POLN: variants seen among roughly 807,000 people sequenced by gnomAD.
The protein encoded by POLN is DNA polymerase N.
Under a neutral mutation model 113.5 loss-of-function variants are expected in POLN, and 108 were observed. The observed-to-expected ratio is 0.95, with a 90% CI of 0.81 to 1.12. The LOEUF is 1.12. POLN is among the 50% of genes most tolerant of loss of function. The pLI, the probability that POLN is intolerant of heterozygous loss-of-function variation, is 0.00. For missense variants in POLN, 1,097 were observed against 1,077.1 expected, an observed-to-expected ratio of 1.02 and a Z score of -0.26; for synonymous variants, 386 against 391.5, an observed-to-expected ratio of 0.99 and a Z score of 0.17.
intron 19 of POLN, among the ~76,000 whole-genome samples, chr4:2,116,316 T>C (rs535959766): frequency 1.1e-4 from 17 of 152,336 alleles, no homozygotes; most frequent in Non-Finnish European, 1.8e-4. Flanking sequence ...CTATGGAAGA[T>C]TCCTCCTCAT....
intron 16 of POLN, chr4:2,139,628 AATAAAGT>A (rs1731946745): frequency 6.6e-6 from 1 of 152,242 alleles, no homozygotes; most frequent in Non-Finnish European, 1.5e-5. Flanking sequence ...CACTCAAAAT[AATAAAGT>A]ATAAAGATTT....
intron 3 of POLN, among the ~76,000 whole-genome samples, chr4:2,217,863 G>A (rs1734149362): frequency 6.6e-6 from 1 of 152,208 alleles, no homozygotes; most frequent in Non-Finnish European, 1.5e-5. Context: ...TATTCCCAAT[G>A]TGGAATATGC....
At chr4:2,072,450 C>T (rs1472553040) in intron 25 of POLN, 151 bp from the exon 26 acceptor site, 9 of 660,290 alleles carry the variant, frequency 1.4e-5, no homozygotes, top group Non-Finnish European at 2.0e-5. Flanking sequence ...TGTGCATACA[C>T]GTGCACACTC....
At chr4:2,086,363 C>T (rs1275225851) in intron 20 of POLN, among the ~76,000 whole-genome samples, 3 of 152,124 alleles carry the variant, frequency 2.0e-5, no homozygotes, top group South Asian at 2.1e-4. Context: ...GGCTGAGTTC[C>T]GCAAGCATGT....
In POLN at chr4:2,198,646, T is replaced by G; in HGVS notation, c.786A>C (p.Pro262=). 6.2e-7 allele frequency: 1 copy of G among 1,613,900 alleles called. No individual in the cohort carries two copies. The highest frequency in any genetic ancestry group is 8.5e-7 in the Non-Finnish European group (1 of 1,179,938). The change falls in exon 6 of 26, where the codon CCA becomes CCC. Residue 262 remains proline (P), a synonymous_variant. Transcript: ENST00000511885. ...GAACAGGACCACAGGCCGGGGCATC[T>G]GGACAGCCATGGCCACCCTCTGCTT... The part of the protein sequence containing the change: ...KRQAEGGHGC[P]DAPACGPVLE...
At chr4:2,105,807 AT>A (rs1731051770) in intron 19 of POLN, among the ~76,000 whole-genome samples, 1 of 112,668 alleles carries the variant, frequency 8.9e-6, no homozygotes, top group African/African-American at 6.1e-5. Context: ...ACAAATAGTG[AT>A]GATGATGATG....
chr4:2,183,361 G>A (rs1002216271), intron 7 of POLN, among the ~76,000 whole-genome samples: 1 of 152,186 alleles, frequency 6.6e-6, no homozygotes, highest in Non-Finnish European at 1.5e-5. Context: ...AAAGTTCATA[G>A]AAGCATTAAT....
chr4:2,155,587 T>TA (rs1732404545), intron 16 of POLN, among the ~76,000 whole-genome samples: 2 of 152,184 alleles, frequency 1.3e-5, no homozygotes, highest in South Asian at 2.1e-4. Context: ...AGACACATGT[T>TA]ACGGAGGGAA....
At position 2,163,045 on chromosome 4, in the gene POLN, A is replaced by AAAC. The variant is rs1429400272; in HGVS notation, c.1555-3835_1555-3834insGTT. On this transcript the variant is annotated intron_variant, in intron 13 of 25. Coordinates refer to ENST00000511885, the MANE Select transcript of POLN (RefSeq NM_181808.4). ...TTCCTACCAAAAAAAAAAAAAAAAAAAAAAAACTCCTGCCAGGATTTTAAT... is the reference window on the plus strand; with the variant it reads ...TTCCTACCAAAAAAAAAAAAAAAAAAAACAAAAAACTCCTGCCAGGATTTTAAT... Among the ~76,000 whole-genome samples the AAAC allele has an allele frequency of 3.1e-3, 472 of 151,344 alleles. 5 individuals are homozygous for AAAC. Among genetic ancestry groups the AAAC allele is most frequent in the African/African-American group, 0.011 (449 of 41,052 alleles).
intron 6 of POLN, among the ~76,000 whole-genome samples, chr4:2,196,115 GA>G (rs1351088657): frequency 3.9e-5 from 6 of 152,100 alleles, no homozygotes; most frequent in Non-Finnish European, 8.8e-5. Context: ...ATAATTATCT[GA>G]AAAAAATCGA....
Position 2,174,679 on chromosome 4 carries a change from A to C in POLN, c.1309+12T>G. On this transcript the variant is annotated intron_variant, in intron 10 of 25. Coordinates refer to ENST00000511885, the MANE Select transcript of POLN (RefSeq NM_181808.4). ...AGAAAAATGGCTGTACTTCATCTTT[A>C]TGGTAACTTACCTGCCAAAATTGGT... 1 of 1,597,082 alleles carries C rather than the reference A, an allele frequency of 6.3e-7. No homozygotes were observed. The highest frequency in any genetic ancestry group is 1.1e-5 in the South Asian group (1 of 90,662).
In POLN at chr4:2,130,602, C is replaced by T. The variant is rs544153661; in HGVS notation, c.1789+631G>A. ...AAGAGTGTTAGTGTGCTTTTATAAA[C>T]ATTTCCAGTAATGTTCAAACTTTAA... On this transcript the variant is annotated intron_variant, in intron 17 of 25. Transcript: ENST00000511885. Among the ~76,000 whole-genome samples, 649 of 152,268 alleles carry T rather than the reference C, an allele frequency of 4.3e-3. 2 individuals are homozygous for T. The highest frequency in any genetic ancestry group is 0.01 in the Middle Eastern group (3 of 294).
In POLN at chr4:2,093,868, A is replaced by G. The variant is rs1730720745; in HGVS notation, c.2065+1983T>C. 6.6e-6 allele frequency among the ~76,000 whole-genome samples: 1 copy of G among 152,240 alleles called. No individual in the cohort carries two copies. Among genetic ancestry groups the G allele is most frequent in the Non-Finnish European group, 1.5e-5 (1 of 68,044 alleles). ...TGTTTTCAAAAGTGGAGCTGAGACC[A>G]CCAAGTCCACTAATTTGTTCCTGTG... On this transcript the variant is annotated intron_variant, in intron 20 of 25. Coordinates refer to ENST00000511885, the MANE Select transcript of POLN (RefSeq NM_181808.4). This position sits in a 1 kb window ranked among gnomAD's most constrained non-coding sequence, Gnocchi z 4.1.
At chr4:2,181,208 G>A (rs1164181526) in intron 7 of POLN, among the ~76,000 whole-genome samples, 1 of 152,168 alleles carries the variant, frequency 6.6e-6, no homozygotes, top group Non-Finnish European at 1.5e-5. Context: ...GCAATGGCAT[G>A]ATCTCGGCTC....
chr4:2,150,968 T>G (rs1732281431), intron 16 of POLN, among the ~76,000 whole-genome samples: 1 of 152,244 alleles, frequency 6.6e-6, no homozygotes, highest in Non-Finnish European at 1.5e-5. Context: ...AACTCATTGA[T>G]AAATCAGAAT....
chr4:2,147,793 C>T (rs1732186228), intron 16 of POLN, among the ~76,000 whole-genome samples: 1 of 152,012 alleles, frequency 6.6e-6, no homozygotes, highest in African/African-American at 2.4e-5. Context: ...CAGGTGCACA[C>T]CACCATGCCC....
intron 3 of POLN, among the ~76,000 whole-genome samples, chr4:2,217,199 C>T (rs1306246718): frequency 1.3e-5 from 2 of 152,232 alleles, no homozygotes; most frequent in Non-Finnish European, 2.9e-5. Flanking sequence ...TGTGTTAACA[C>T]TGGGGCCACT....
intron 20 of POLN, chr4:2,089,676 T>C: frequency 4.3e-6 from 3 of 702,878 alleles, no homozygotes; most frequent in Middle Eastern, 2.7e-4. Flanking sequence ...TGTCCTGTAC[T>C]GGAATGTTTT....
chr4:2,232,236 C>T, intron 2 of POLN: 1 of 689,540 alleles, frequency 1.5e-6, no homozygotes, highest in Non-Finnish European at 2.3e-6. Flanking sequence ...ATATAATTTA[C>T]ATGGAAAGAC....
Sources: allele counts gnomAD v4.1 joint callset (sites outside exome capture counted in the v4.1 genomes callset), GRCh38; gene constraint gnomAD v4.1.1; non-coding constraint Gnocchi (gnomAD v3.1); transcripts MANE v1.5; gene names NCBI Gene and HGNC (gene_info 2026-07-23, HGNC 2026-07-21).